IL16: variants seen among roughly 807,000 people sequenced by gnomAD.
The protein encoded by IL16 is pro-interleukin-16.
Under a neutral mutation model 110.1 loss-of-function variants are expected in IL16, and 67 were observed. That is an observed-to-expected ratio of 0.61 (90% CI 0.50 to 0.75). IL16 has a LOEUF of 0.75. IL16 is among the 30% of genes least tolerant of loss of function. The pLI, the probability that IL16 is intolerant of heterozygous loss-of-function variation, is 0.00. For synonymous variants in IL16, 689 were observed against 662.9 expected (o/e 1.04, Z -0.61); for missense variants, 1,545 against 1,655.0 (o/e 0.93, Z 1.15).
chr15:81,273,010 G>A, intron 5 of IL16, 80 bp from the exon 6 acceptor site: 1 of 1,111,386 alleles, frequency 9.0e-7, no homozygotes, highest in African/African-American at 1.5e-5. Context: ...TCAGGGCTGA[G>A]GCAGGCCCTC....
chr15:81,251,634 C>T (rs1424748058), intron 2 of IL16, among the ~76,000 whole-genome samples: 3 of 152,128 alleles, frequency 2.0e-5, no homozygotes, highest in Non-Finnish European at 4.4e-5. Flanking sequence ...AAGAAAGCGA[C>T]AGAACTGAGG....
chr15:81,243,164 T>TATATATACATATATATATA, intron 2 of IL16, among the ~76,000 whole-genome samples: 1 of 15,774 alleles, frequency 6.3e-5, no homozygotes. Flanking sequence ...TATATATATA[T>TATATATACATATATATATA]TTTTTTTTTT....
intron 2 of IL16, among the ~76,000 whole-genome samples, chr15:81,234,786 AC>A: frequency 6.6e-6 from 1 of 152,232 alleles, no homozygotes. Flanking sequence ...CATGAGATCT[AC>A]ATGTTAAGTG....
intron 2 of IL16, among the ~76,000 whole-genome samples, chr15:81,245,401 C>T (rs1897501703): frequency 6.6e-6 from 1 of 152,158 alleles, no homozygotes. Context: ...AGGTGAGGGA[C>T]TTCTCATTAA....
chr15:81,277,957 G>T (rs1325347497), intron 6 of IL16, among the ~76,000 whole-genome samples: 1 of 152,096 alleles, frequency 6.6e-6, no homozygotes, highest in African/African-American at 2.4e-5. Flanking sequence ...ATGGATTTTT[G>T]GTTACAGGAA....
chr15:81,302,038 CA>C (rs2141619555), intron 15 of IL16: 1 of 153,578 alleles, frequency 6.5e-6, no homozygotes, highest in Non-Finnish European at 1.4e-5. Flanking sequence ...GAGCATGACC[CA>C]AAGGGGTGTG....
intron 17 of IL16, 90 bp from the exon 18 acceptor site, chr15:81,306,330 G>A: frequency 6.4e-7 from 1 of 1,564,288 alleles, no homozygotes; most frequent in Non-Finnish European, 8.7e-7. Flanking sequence ...AAACACGGGG[G>A]CTGTATCACC....
At chr15:81,196,752 G>T (rs779301420), upstream of IL16, 12 of 807,436 alleles carry the variant, frequency 1.5e-5, no homozygotes, top group Non-Finnish European at 1.9e-5. Context: ...CCAGCAGATG[G>T]TGGACCTTGT....
chr15:81,202,470 T>TC (rs1013530746), intron 1 of IL16, among the ~76,000 whole-genome samples: 1 of 130,888 alleles, frequency 7.6e-6, no homozygotes, highest in Non-Finnish European at 1.6e-5. Flanking sequence ...ATGCTATCCC[T>TC]CCCCCCTCCC....
chr15:81,276,172 G>A (rs1461468095), intron 6 of IL16, among the ~76,000 whole-genome samples: 1 of 152,168 alleles, frequency 6.6e-6, no homozygotes, highest in African/African-American at 2.4e-5. Flanking sequence ...GACAAGGACT[G>A]GTTCCTTTTA....
In IL16 at chr15:81,313,271, C is replaced by T. The variant is rs61659195; in HGVS notation, c.*4473C>T. On this transcript the variant is annotated 3_prime_UTR_variant, in exon 19 of 19. Coordinates refer to ENST00000683961, the MANE Select transcript of IL16 (RefSeq NM_172217.5). ...AACGATAGCATTACTCATGGAATTG[C>T]TTCACTGCTTTCTGAAGGTTGGCAT... is the stretch of plus-strand genomic sequence containing the variant. 1.4e-3 allele frequency: 2,253 copies of T among 1,573,550 alleles called. 26 individuals carry two copies. In the African/African-American group the frequency reaches 0.027, roughly 19 times the overall value.
chr15:81,209,925 C>T (rs1260767884), intron 1 of IL16, among the ~76,000 whole-genome samples: 1 of 152,192 alleles, frequency 6.6e-6, no homozygotes. Flanking sequence ...GGGACTTGGC[C>T]AAAAATTCTT....
At chr15:81,288,819 T>C (rs1899570183) in intron 10 of IL16, among the ~76,000 whole-genome samples, 1 of 129,798 alleles carries the variant, frequency 7.7e-6, no homozygotes, top group Non-Finnish European at 1.6e-5. Context: ...AATAATCTTC[T>C]AGTATGTGTA....
intron 2 of IL16, among the ~76,000 whole-genome samples, chr15:81,234,919 A>G (rs1190633940): frequency 1.3e-5 from 2 of 152,224 alleles, no homozygotes; most frequent in African/African-American, 2.4e-5. Context: ...TGGACTCCTC[A>G]GAGTTTTCCA....
intron 1 of IL16, among the ~76,000 whole-genome samples, chr15:81,186,465 A>G (rs1298253314): frequency 1.3e-5 from 2 of 152,146 alleles, no homozygotes; most frequent in African/African-American, 4.8e-5. Context: ...CTACATATCC[A>G]TACTGCTCAC....
chr15:81,228,373 T>A (rs1896860567), intron 2 of IL16, among the ~76,000 whole-genome samples: 3 of 149,970 alleles, frequency 2.0e-5, no homozygotes. Flanking sequence ...CAGGCTGGAG[T>A]ACAGGGGTGC....
chr15:81,269,580 G>A lies in IL16; in HGVS notation c.607G>A (p.Val203Met), dbSNP rs149850550. Reference sequence around the variant, plus strand: ...ACGGTCCCTGAGCACAGCTCAGCTCGTGCAGCCATCTGGGGGCCTCCAGGC... The same window carrying A: ...ACGGTCCCTGAGCACAGCTCAGCTCATGCAGCCATCTGGGGGCCTCCAGGC... ...PTRSLSTAQL[V>M]QPSGGLQASV... is the part of the protein sequence containing the mutation. Residue 203 changes from valine to methionine, a missense_variant, in exon 5 of 19, where the codon GTG (valine) becomes ATG (methionine). Transcript: ENST00000683961. 43 of 1,614,150 alleles carry A rather than the reference G, an allele frequency of 2.7e-5. No homozygotes were observed. The highest frequency in any genetic ancestry group is 1.6e-4 in the East Asian group (7 of 44,888).
intron 2 of IL16, among the ~76,000 whole-genome samples, chr15:81,243,540 TTGTC>T (rs375873483): frequency 6.6e-6 from 1 of 152,072 alleles, no homozygotes; most frequent in African/African-American, 2.4e-5. Context: ...TTGTAAATCT[TTGTC>T]TGGTTTTGGT....
At chr15:81,267,835 C>T (rs1040969484) in intron 4 of IL16, among the ~76,000 whole-genome samples, 1 of 152,236 alleles carries the variant, frequency 6.6e-6, no homozygotes, top group Admixed American at 6.5e-5. Flanking sequence ...TTCAGGACTT[C>T]AGCAGATTGG....
Sources: gnomAD v4.1 joint callset for allele counts (sites outside exome capture counted in the v4.1 genomes callset) on GRCh38, gnomAD v4.1.1 for gene constraint, MANE v1.5 for transcripts, NCBI Gene and HGNC (gene_info 2026-07-23, HGNC 2026-07-21) for gene names.